The following HIVEP2 variants were observed in gnomAD, a reference collection of about 807,000 sequenced individuals.
HIVEP2 encodes the protein HIVEP zinc finger 2, also known as transcription factor HIVEP2.
Under a neutral mutation model 180.7 loss-of-function variants are expected in HIVEP2, and 14 were observed. That is an observed-to-expected ratio of 0.08 (90% confidence interval 0.05 to 0.12). The LOEUF is 0.12. HIVEP2 is among the 10% of genes least tolerant of loss of function. The pLI is 1.00. For synonymous variants in HIVEP2, 1,184 were observed against 1,136.4 expected (o/e 1.04, Z -0.84); for missense variants, 2,579 against 3,008.5 (o/e 0.86, Z 3.34).
At position 142,770,174 on chromosome 6, in the gene HIVEP2, G is replaced by A; in HGVS notation, c.4565C>T (p.Ser1522Leu). The A allele has an allele frequency of 6.2e-7, 1 of 1,614,238 alleles. No homozygotes were observed. The highest frequency in any genetic ancestry group is 8.5e-7 in the Non-Finnish European group (1 of 1,180,050). ...SSSFSSLSPSSSQDYPSVSPS... is the reference protein window; with the variant it reads ...SSSFSSLSPSLSQDYPSVSPS... ...GCTAACAGAAGGATAGTCTTGAGAT[G>A]AGGAGGGCGACAGCGAGGAGAAGGA... is the stretch of plus-strand genomic sequence containing the variant. The change falls in exon 5 of 10, where the codon TCA becomes TTA. Residue 1522 changes from serine (S) to leucine (L), a missense_variant. Coordinates refer to ENST00000367603, the MANE Select transcript of HIVEP2 (RefSeq NM_006734.4). The surrounding 1 kb of genome is among the most constrained non-coding windows in gnomAD (Gnocchi z 4.7).
At chr6:142,810,314 C>T (rs549732316) in intron 2 of HIVEP2, among the ~76,000 whole-genome samples, 12 of 152,082 alleles carry the variant, frequency 7.9e-5, no homozygotes, top group Admixed American at 2.0e-4. Context: ...TGTATTTTTA[C>T]AAAATCAATC....
intron 2 of HIVEP2, among the ~76,000 whole-genome samples, chr6:142,803,566 T>TACAC (rs10688831): frequency 0.24 from 33,631 of 141,606 alleles, 4,025 homozygotes; most frequent in East Asian, 0.39. Context: ...ATATATAGCA[T>TACAC]ACACACACAC....
intron 1 of HIVEP2, among the ~76,000 whole-genome samples, chr6:142,933,189 A>G (rs1302209691): frequency 6.6e-6 from 1 of 152,192 alleles, no homozygotes; most frequent in African/African-American, 2.4e-5. Context: ...GAACCTCAGA[A>G]TTTCATTTCT....
intron 1 of HIVEP2, among the ~76,000 whole-genome samples, chr6:142,916,533 T>G (rs909124209): frequency 6.6e-6 from 1 of 152,152 alleles, no homozygotes; most frequent in Non-Finnish European, 1.5e-5. Context: ...CACCAACCCC[T>G]TCACTTATTT....
intron 2 of HIVEP2, among the ~76,000 whole-genome samples, chr6:142,814,498 G>T (rs1227031876): frequency 6.6e-6 from 1 of 152,116 alleles, no homozygotes; most frequent in African/African-American, 2.4e-5. Context: ...GGCAGAGGTG[G>T]TGGGTTGGAG....
intron 2 of HIVEP2, among the ~76,000 whole-genome samples, chr6:142,797,100 A>C (rs1444751532): frequency 6.6e-6 from 1 of 152,172 alleles, no homozygotes; most frequent in Non-Finnish European, 1.5e-5. Flanking sequence ...GTAAATGACA[A>C]AATAGTGTCT....
intron 1 of HIVEP2, among the ~76,000 whole-genome samples, chr6:142,902,088 A>G (rs1248578709): frequency 6.6e-6 from 1 of 152,210 alleles, no homozygotes; most frequent in African/African-American, 2.4e-5. Context: ...AAATATGTAG[A>G]TATTTCCTCC....
At chr6:142,901,777 C>T (rs1163024677) in intron 1 of HIVEP2, among the ~76,000 whole-genome samples, 2 of 152,198 alleles carry the variant, frequency 1.3e-5, no homozygotes, top group Non-Finnish European at 2.9e-5. Context: ...TCTCCTCCCA[C>T]AGTGCATGCA....
At position 142,769,932 on chromosome 6, in the gene HIVEP2, G is replaced by T; in HGVS notation, c.4807C>A (p.Arg1603=). Residue 1603 remains arginine, a synonymous_variant, in exon 5 of 10, where the codon CGG becomes AGG. Coordinates refer to ENST00000367603, the MANE Select transcript of HIVEP2 (RefSeq NM_006734.4). The part of the protein sequence containing the change: ...QLEEEGKGHK[R]PVGMLVRMAS... ...ATGCGGACCAGCATGCCAACAGGCC[G>T]CTTGTGGCCCTTCCCTTCCTCTTCC... 1 of 1,614,004 alleles carries T rather than the reference G, an allele frequency of 6.2e-7. No individual in the cohort carries two copies. The highest frequency in any genetic ancestry group is 8.5e-7 in the Non-Finnish European group (1 of 1,180,044).
In HIVEP2 at chr6:142,753,443, A is replaced by C. The variant is rs1774977654; in HGVS notation, c.7005T>G (p.Ser2335=). ...NIQTCTKAIA[S]LRIATEEAAL... is the part of the protein sequence containing the mutation. ...CTGCCTCTTCCGTGGCAATCCGGAG[A>C]GAGGCAATGGCTTTTGTACAAGTCT... is the stretch of plus-strand genomic sequence containing the variant. Residue 2335 remains serine (S), a synonymous_variant, in exon 10 of 10, where the codon TCT becomes TCG. Coordinates refer to ENST00000367603, the MANE Select transcript of HIVEP2 (RefSeq NM_006734.4). The C allele has an allele frequency of 1.2e-6, 2 of 1,613,818 alleles. No individual in the cohort carries two copies. Among genetic ancestry groups the C allele is most frequent in the Non-Finnish European group, 1.7e-6 (2 of 1,180,038 alleles).
intron 9 of HIVEP2, among the ~76,000 whole-genome samples, chr6:142,754,211 C>A (rs1775003855): frequency 6.6e-6 from 1 of 151,126 alleles, no homozygotes; most frequent in Admixed American, 6.6e-5. Context: ...GGTACAGAGA[C>A]ACATTTCAGC....
intron 7 of HIVEP2, 72 bp downstream of exon 7, chr6:142,764,727 T>C: frequency 9.1e-7 from 1 of 1,095,428 alleles, no homozygotes; most frequent in Non-Finnish European, 1.4e-6. Flanking sequence ...GAAGGTTAGT[T>C]ATAAAATAGC....
chr6:142,884,363 A>G (rs1283771237), intron 1 of HIVEP2, among the ~76,000 whole-genome samples: 2 of 152,216 alleles, frequency 1.3e-5, no homozygotes, highest in African/African-American at 2.4e-5. Flanking sequence ...CTTTAAAAAA[A>G]TAGCCTTAGA....
At chr6:142,808,306 T>A (rs921370453) in intron 2 of HIVEP2, among the ~76,000 whole-genome samples, 5 of 151,928 alleles carry the variant, frequency 3.3e-5, no homozygotes, top group African/African-American at 1.2e-4. Context: ...TGTAAATATG[T>A]CTGTGGGTGA....
intron 3 of HIVEP2, among the ~76,000 whole-genome samples, chr6:142,781,771 C>T (rs555683887): frequency 2.6e-5 from 4 of 152,072 alleles, no homozygotes; most frequent in Admixed American, 6.6e-5. Flanking sequence ...AAATAATTTC[C>T]CCAGACAGGG....
At chr6:142,899,983 G>C (rs780292303) in intron 1 of HIVEP2, among the ~76,000 whole-genome samples, 1 of 152,154 alleles carries the variant, frequency 6.6e-6, no homozygotes, top group Non-Finnish European at 1.5e-5. Context: ...TTAGTGGAGA[G>C]AAATCTATTA....
intron 1 of HIVEP2, among the ~76,000 whole-genome samples, chr6:142,850,383 C>A (rs1393231192): frequency 6.6e-6 from 1 of 152,116 alleles, no homozygotes; most frequent in Non-Finnish European, 1.5e-5. Flanking sequence ...TTTGGGGAGT[C>A]TTTAATTGAA....
intron 1 of HIVEP2, among the ~76,000 whole-genome samples, chr6:142,910,430 A>G (rs1374735810): frequency 1.3e-5 from 2 of 152,054 alleles, no homozygotes; most frequent in African/African-American, 4.8e-5. Context: ...GTGAAACCCC[A>G]TCTCTACTAA....
intron 9 of HIVEP2, among the ~76,000 whole-genome samples, chr6:142,756,940 G>A (rs1775090263): frequency 6.6e-6 from 1 of 152,098 alleles, no homozygotes; most frequent in Admixed American, 6.5e-5. Context: ...CTGCCACACT[G>A]TTGAAGAGAT....
Sources: gnomAD v4.1 joint callset for allele counts (sites outside exome capture counted in the v4.1 genomes callset) on GRCh38, gnomAD v4.1.1 for gene constraint, Gnocchi (gnomAD v3.1) non-coding constraint, MANE v1.5 for transcripts, NCBI Gene and HGNC (gene_info 2026-07-23, HGNC 2026-07-21) for gene names.